Variants in KCNIP4 observed in about 807,000 individuals in gnomAD.
The protein encoded by KCNIP4 is potassium voltage-gated channel interacting protein 4, also known as Kv channel-interacting protein 4.
In KCNIP4, 12 loss-of-function variants were observed where a neutral mutation model predicts 34.0. That is an observed-to-expected ratio of 0.35 (90% CI 0.23 to 0.57). The LOEUF (loss-of-function observed/expected upper bound fraction) is 0.57, where lower values mean the gene tolerates loss of function less well. KCNIP4 is among the 20% of genes least tolerant of loss of function. The pLI, the probability that KCNIP4 is intolerant of heterozygous loss-of-function variation, is 0.83. For synonymous variants in KCNIP4, 124 were observed against 102.2 expected, an observed-to-expected ratio of 1.21 and a Z score of -1.29; for missense variants, 238 against 311.7, an observed-to-expected ratio of 0.76 and a Z score of 1.78.
chr4:21,699,321 T>A (rs1712637927), intron 1 of KCNIP4, among the ~76,000 whole-genome samples: 1 of 152,216 alleles, frequency 6.6e-6, no homozygotes, highest in Admixed American at 6.5e-5. Context: ...TGGTTCTATG[T>A]GCTGGGAAAA....
At chr4:21,830,136 T>C (rs1722893147) in intron 1 of KCNIP4, among the ~76,000 whole-genome samples, 1 of 152,062 alleles carries the variant, frequency 6.6e-6, no homozygotes, top group South Asian at 2.1e-4. Context: ...AGGATAAATA[T>C]TAAAGATGGA....
chr4:20,854,626 T>G (rs563045896), intron 2 of KCNIP4, among the ~76,000 whole-genome samples: 2 of 152,212 alleles, frequency 1.3e-5, no homozygotes, highest in South Asian at 4.1e-4. Flanking sequence ...TGTACCCCAA[T>G]AATTTATGAG....
At chr4:21,816,802 G>A (rs10938859) in intron 1 of KCNIP4, among the ~76,000 whole-genome samples, 136,779 of 152,056 alleles carry the variant, frequency 0.9, 61,538 homozygotes, top group South Asian at 0.92. Context: ...AAATCATTGT[G>A]AAGCTGCCCA....
chr4:21,597,884 T>C (rs1281132029), intron 1 of KCNIP4, among the ~76,000 whole-genome samples: 1 of 152,100 alleles, frequency 6.6e-6, no homozygotes, highest in Non-Finnish European at 1.5e-5. Context: ...AGAGGACTTG[T>C]TCGATTTATA....
intron 1 of KCNIP4, among the ~76,000 whole-genome samples, chr4:21,578,528 T>C (rs1740937942): frequency 6.6e-6 from 1 of 151,600 alleles, no homozygotes; most frequent in South Asian, 2.1e-4. Context: ...AGAGAGAAAA[T>C]AAGAGAGACT....
intron 1 of KCNIP4, chr4:21,844,365 G>C (rs1467284053): frequency 6.6e-6 from 1 of 151,920 alleles, no homozygotes; most frequent in African/African-American, 2.4e-5. Flanking sequence ...ATAATACATG[G>C]GTAGAATTTA....
chr4:21,736,705 C>T (rs1446059231), intron 1 of KCNIP4, among the ~76,000 whole-genome samples: 1 of 152,170 alleles, frequency 6.6e-6, no homozygotes, highest in Non-Finnish European at 1.5e-5. Flanking sequence ...GCACTTTGCT[C>T]ACACTTCCAT....
At chr4:21,587,490 AGATCCAGCT>A (rs1741721090) in intron 1 of KCNIP4, among the ~76,000 whole-genome samples, 1 of 152,072 alleles carries the variant, frequency 6.6e-6, no homozygotes, top group Admixed American at 6.6e-5. Flanking sequence ...TTGTGTTGGC[AGATCCAGCT>A]GAGTAAATGA....
intron 1 of KCNIP4, among the ~76,000 whole-genome samples, chr4:21,137,871 C>CTTTT (rs144440285): frequency 0.088 from 10,182 of 115,298 alleles, 1,055 homozygotes; most frequent in South Asian, 0.11. Context: ...CTTACACAGG[C>CTTTT]TTTTTTGTTT....
At chr4:21,426,705 A>ATT (rs1356863608) in intron 1 of KCNIP4, among the ~76,000 whole-genome samples, 1 of 152,090 alleles carries the variant, frequency 6.6e-6, no homozygotes, top group East Asian at 1.9e-4. Context: ...TATTTAACAA[A>ATT]TATTTATTGA....
chr4:21,370,800 A>AATATATATATATAT (rs1173506757), intron 1 of KCNIP4, among the ~76,000 whole-genome samples: 4 of 17,984 alleles, frequency 2.2e-4, no homozygotes, highest in Non-Finnish European at 4.1e-4. Context: ...CATGGATTGA[A>AATATATATATATAT]ATATATATAT....
At chr4:21,792,915 C>A (rs1720390519) in intron 1 of KCNIP4, among the ~76,000 whole-genome samples, 1 of 152,208 alleles carries the variant, frequency 6.6e-6, no homozygotes, top group African/African-American at 2.4e-5. Flanking sequence ...GGGCACTATT[C>A]TAAATATTCT....
intron 1 of KCNIP4, among the ~76,000 whole-genome samples, chr4:21,465,569 T>C (rs10010314): frequency 0.022 from 3,322 of 152,280 alleles, 128 homozygotes; most frequent in East Asian, 0.12. Flanking sequence ...TGTTGATATA[T>C]CTGAATACAT....
chr4:21,870,698 A>C (rs531730268), intron 1 of KCNIP4, among the ~76,000 whole-genome samples: 3 of 152,294 alleles, frequency 2.0e-5, no homozygotes, highest in South Asian at 2.1e-4. Flanking sequence ...GTTTACTCTG[A>C]CTTTGGACTC....
intron 1 of KCNIP4, among the ~76,000 whole-genome samples, chr4:21,727,751 C>T (rs546364313): frequency 1.3e-5 from 2 of 152,196 alleles, no homozygotes; most frequent in South Asian, 2.1e-4. Flanking sequence ...ATCACTTGAA[C>T]CCAGGAGGCA....
chr4:21,175,891 G>A lies in KCNIP4; in HGVS notation c.62-293182C>T, dbSNP rs112913610. On this transcript the variant is annotated intron_variant, in intron 1 of 8. Transcript: ENST00000382152. The stretch of plus-strand genomic sequence containing the variant: ...GAAACCCCAAATAAGGGAGGACTAT[G>A]GTATACCTCTACCGTCTTCCAGTAC... Among the ~76,000 whole-genome samples, 2 of 152,236 alleles carry A rather than the reference G, an allele frequency of 1.3e-5. 1 individual carries two copies. Among genetic ancestry groups the A allele is most frequent in the African/African-American group, 4.8e-5 (2 of 41,548 alleles).
chr4:21,873,728 G>T (rs1725938550), intron 1 of KCNIP4, among the ~76,000 whole-genome samples: 1 of 152,182 alleles, frequency 6.6e-6, no homozygotes, highest in Admixed American at 6.5e-5. Context: ...AAGCATCCCG[G>T]TTACAAAATA....
At chr4:20,898,772 G>GTATC (rs1184551639) in intron 1 of KCNIP4, among the ~76,000 whole-genome samples, 1 of 152,056 alleles carries the variant, frequency 6.6e-6, no homozygotes, top group Non-Finnish European at 1.5e-5. Flanking sequence ...TATCTATATC[G>GTATC]TATCTATCTA....
chr4:21,706,963 T>C (rs1485724921), intron 1 of KCNIP4, among the ~76,000 whole-genome samples: 1 of 152,112 alleles, frequency 6.6e-6, no homozygotes, highest in East Asian at 1.9e-4. Context: ...CAGTGCCAGG[T>C]CCATTATTAT....
Sources: gnomAD v4.1 joint callset for allele counts (sites outside exome capture counted in the v4.1 genomes callset) on GRCh38, gnomAD v4.1.1 for gene constraint, MANE v1.5 for transcripts, NCBI Gene and HGNC (gene_info 2026-07-23, HGNC 2026-07-21) for gene names.